Variants in ZNF532 observed in about 807,000 individuals in gnomAD.
ZNF532 encodes zinc finger protein 532.
ZNF532 carries 22 observed loss-of-function variants against 89.3 expected under a neutral mutation model. That is an observed-to-expected ratio of 0.25 (90% CI 0.18 to 0.35). The LOEUF is 0.35. Ranked by LOEUF, ZNF532 falls within the 10% of genes least tolerant of loss-of-function variation. The probability of loss-of-function intolerance (pLI) is 1.00; values close to 1 mark genes in which losing one functional copy is unlikely to be tolerated. For missense variants in ZNF532, 1,132 were observed against 1,643.4 expected, an observed-to-expected ratio of 0.69 and a Z score of 5.38; for synonymous variants, 606 against 649.6, an observed-to-expected ratio of 0.93 and a Z score of 1.02.
intron 3 of ZNF532, among the ~76,000 whole-genome samples, chr18:58,933,828 A>C (rs1318331786): frequency 6.6e-6 from 1 of 151,274 alleles, no homozygotes; most frequent in Non-Finnish European, 1.5e-5. Flanking sequence ...TTAATGTCTA[A>C]ATTTGTATAC....
At position 58,963,027 on chromosome 18, in the gene ZNF532, T is replaced by C. The variant is rs543956817; in HGVS notation, c.3150+9228T>C. On this transcript the variant is annotated intron_variant, in intron 7 of 9. Coordinates refer to ENST00000591808, the MANE Select transcript of ZNF532 (RefSeq NM_001375912.1). ...ATGCTCATTGCTGTGGCCCTCACTGTGTGACTGCTATAGCACCAACACACC... is the reference window on the plus strand; with the variant it reads ...ATGCTCATTGCTGTGGCCCTCACTGCGTGACTGCTATAGCACCAACACACC... Among the ~76,000 whole-genome samples, 179 of 152,276 alleles carry C rather than the reference T, an allele frequency of 1.2e-3. 1 individual carries two copies. The highest frequency in any genetic ancestry group is 4.1e-3 in the African/African-American group (170 of 41,550).
chr18:58,907,264 CA>C (rs2059988533), intron 2 of ZNF532, among the ~76,000 whole-genome samples: 1 of 152,116 alleles, frequency 6.6e-6, no homozygotes, highest in South Asian at 2.1e-4. Context: ...CGGCTCACTG[CA>C]ACCTCCGCCT....
intron 2 of ZNF532, among the ~76,000 whole-genome samples, chr18:58,907,725 G>A (rs1038182613): frequency 6.6e-6 from 1 of 152,088 alleles, no homozygotes; most frequent in African/African-American, 2.4e-5. Flanking sequence ...GTCCTGACGT[G>A]GTAGATTTCT....
intron 9 of ZNF532, among the ~76,000 whole-genome samples, chr18:58,983,704 C>T (rs17695069): frequency 3.3e-5 from 5 of 151,310 alleles, no homozygotes; most frequent in Admixed American, 3.3e-4. Flanking sequence ...ACTCCGCTGC[C>T]ACAAATTTCA....
chr18:58,892,583 G>A (rs1050350884), intron 2 of ZNF532, among the ~76,000 whole-genome samples: 9 of 152,216 alleles, frequency 5.9e-5, no homozygotes, highest in African/African-American at 2.2e-4. Context: ...CAAAGAGCAC[G>A]TAATACCCAT....
Position 58,918,885 on chromosome 18 carries a change from G to C in ZNF532, c.598G>C (p.Ala200Pro). 1 of 1,614,134 alleles carries C rather than the reference G, an allele frequency of 6.2e-7. No homozygotes were observed. Among genetic ancestry groups the C allele is most frequent in the Non-Finnish European group, 8.5e-7 (1 of 1,180,040 alleles). The change falls in exon 3 of 10, where the codon GCT (alanine) becomes CCT (proline). Residue 200 changes from alanine to proline, a missense_variant. Physicochemically the swap from Ala to Pro is conservative, Grantham distance 27. Transcript: ENST00000591808. ...STSGNVEKNKAVKRETEASSI... is the reference protein window; with the variant it reads ...STSGNVEKNKPVKRETEASSI... The stretch of plus-strand genomic sequence containing the variant: ...GTCAGGCAATGTGGAGAAAAACAAA[G>C]CTGTTAAGAGAGAAACAGAAGCCAG...
intron 7 of ZNF532, chr18:58,954,185 T>C: frequency 4.1e-6 from 4 of 984,988 alleles, no homozygotes; most frequent in Non-Finnish European, 4.8e-6. Context: ...TGTTGAACAT[T>C]GCCAGTAGCA....
At chr18:58,885,847 A>C (rs1214181525) in intron 2 of ZNF532, among the ~76,000 whole-genome samples, 1 of 78,532 alleles carries the variant, frequency 1.3e-5, no homozygotes, top group Admixed American at 1.2e-4. Context: ...ACAATGTCTC[A>C]AAAAAAAAAA....
At position 58,979,335 on chromosome 18, in the gene ZNF532, A is replaced by G. The variant is rs569023734; in HGVS notation, c.3263+168A>G. 4.5e-4 allele frequency: 183 copies of G among 408,130 alleles called. 2 individuals carry two copies. The highest frequency in any genetic ancestry group is 4.1e-3 in the African/African-American group (169 of 41,560). The allele number at this position is 408,130 out of a possible 1,614,324, so 25.3% of individuals were successfully genotyped here. ...GTTTTTGGATTGGGTTGTCACACTT[A>G]AATATGAAAATAAAAAAAAAAGGAG... On this transcript the variant is annotated intron_variant, in intron 8 of 9. Transcript: ENST00000591808.
intron 7 of ZNF532, among the ~76,000 whole-genome samples, chr18:58,966,006 TGG>T (rs2065884234): frequency 6.6e-6 from 1 of 152,168 alleles, no homozygotes; most frequent in Non-Finnish European, 1.5e-5. Context: ...TTTTTGAGTC[TGG>T]TTATGGGGGT....
chr18:58,913,605 A>AT (rs2060415815), intron 2 of ZNF532, among the ~76,000 whole-genome samples: 1 of 151,112 alleles, frequency 6.6e-6, no homozygotes, highest in African/African-American at 2.4e-5. Flanking sequence ...GAAAGGAAAA[A>AT]ATATATATAT....
chr18:58,957,380 T>C (rs1199003727), intron 7 of ZNF532, among the ~76,000 whole-genome samples: 1 of 145,506 alleles, frequency 6.9e-6, no homozygotes, highest in Non-Finnish European at 1.5e-5. Context: ...TACTTGATTT[T>C]AGTATCATAA....
chr18:58,956,820 T>C (rs1433451370), intron 7 of ZNF532, among the ~76,000 whole-genome samples: 4 of 152,204 alleles, frequency 2.6e-5, no homozygotes, highest in Non-Finnish European at 5.9e-5. Context: ...TATTGTGGAA[T>C]ACCACTCTCT....
chr18:58,911,707 C>T (rs2060295085), intron 2 of ZNF532, among the ~76,000 whole-genome samples: 1 of 152,182 alleles, frequency 6.6e-6, no homozygotes, highest in Admixed American at 6.5e-5. Context: ...AAAGAAGCAG[C>T]CCTTGTCTCT....
intron 2 of ZNF532, among the ~76,000 whole-genome samples, chr18:58,882,021 A>G (rs1033887853): frequency 6.6e-6 from 1 of 151,946 alleles, no homozygotes; most frequent in Non-Finnish European, 1.5e-5. Flanking sequence ...ACAGTGGTGC[A>G]ATCTCAGCTT....
chr18:58,918,179 A>G (rs1477311624), intron 2 of ZNF532, 92 bp from the exon 3 acceptor site: 1 of 1,184,774 alleles, frequency 8.4e-7, no homozygotes, highest in Admixed American at 2.5e-5. Flanking sequence ...CTTTCTTAGT[A>G]ATCGTTATGT....
chr18:58,939,246 CAAAAAAAA>C (rs71336307), intron 4 of ZNF532, among the ~76,000 whole-genome samples, 191 bp from the exon 5 acceptor site: 3,750 of 34,252 alleles, frequency 0.11, 205 homozygotes, highest in East Asian at 0.51. Context: ...GACGTTGTCT[CAAAAAAAA>C]AAAAAAAAAA....
chr18:58,983,603 C>T (rs903621372), intron 9 of ZNF532, among the ~76,000 whole-genome samples: 12 of 152,112 alleles, frequency 7.9e-5, no homozygotes, highest in African/African-American at 2.2e-4. Context: ...ACATATACCC[C>T]CCCCTTGCTT....
At chr18:58,872,606 A>T (rs1837647846) in intron 2 of ZNF532, among the ~76,000 whole-genome samples, 1 of 152,160 alleles carries the variant, frequency 6.6e-6, no homozygotes, top group Non-Finnish European at 1.5e-5. Context: ...CCATCAGGTA[A>T]CCAATAGCAG....
Sources: gnomAD v4.1 joint callset for allele counts (sites outside exome capture counted in the v4.1 genomes callset) on GRCh38, gnomAD v4.1.1 for gene constraint, MANE v1.5 for transcripts, NCBI Gene and HGNC (gene_info 2026-07-23, HGNC 2026-07-21) for gene names.